RRM2: variants seen among roughly 807,000 people sequenced by gnomAD.
RRM2 encodes ribonucleotide reductase regulatory subunit M2.
A neutral mutation model predicts 45.9 loss-of-function variants in RRM2; 6 were observed. The observed-to-expected ratio is 0.13, with a 90% confidence interval of 0.07 to 0.26. The LOEUF (loss-of-function observed/expected upper bound fraction) is 0.26, where lower values mean the gene tolerates loss of function less well. Among genes scored for constraint, RRM2 ranks in the 10% least tolerant of loss-of-function variants. RRM2 has a pLI of 1.00. For missense variants in RRM2, 343 were observed against 489.5 expected, an observed-to-expected ratio of 0.70 and a Z score of 2.82; for synonymous variants, 177 against 173.0, an observed-to-expected ratio of 1.02 and a Z score of -0.18.
intron 3 of RRM2, among the ~76,000 whole-genome samples, chr2:10,189,977 G>A (rs1664250032): frequency 6.6e-6 from 1 of 151,184 alleles, no homozygotes; most frequent in African/African-American, 2.5e-5. Flanking sequence ...TGATGGTGAT[G>A]ATGGTGGTGA....
rs1357991408 is a variant in RRM2 at position 10,171,731 on chromosome 2, C to G, written n.482+29356C>G. The stretch of plus-strand genomic sequence containing the variant: ...CAGCCGGGCAGAGGCAGGAATGAAT[C>G]CTACTCAGCTGCAGAATAGTCACAG... On this transcript the variant is annotated intron_variant and non_coding_transcript_variant, in intron 3 of 3. Transcript: ENST00000381786. This position sits in a 1 kb window ranked among gnomAD's most constrained non-coding sequence, Gnocchi z 4.1. 6.6e-6 allele frequency among the ~76,000 whole-genome samples: 1 copy of G among 152,214 alleles called. No homozygotes were observed. The highest frequency in any genetic ancestry group is 1.9e-4 in the East Asian group (1 of 5,196).
intron 5 of RRM2, among the ~76,000 whole-genome samples, chr2:10,125,388 C>T (rs7577557): frequency 0.025 from 3,827 of 152,168 alleles, 182 homozygotes; most frequent in African/African-American, 0.088. Context: ...TAGAAATGGG[C>T]TGCTGGAGTA....
chr2:10,150,307 C>G (rs1663279868), intron 3 of RRM2, among the ~76,000 whole-genome samples: 1 of 152,044 alleles, frequency 6.6e-6, no homozygotes, highest in South Asian at 2.1e-4. Context: ...ATTAGTCAGG[C>G]ACGGTGGCAG....
Position 10,123,165 on chromosome 2 carries a change from C to T in RRM2, c.174+108C>T, listed in dbSNP as rs1572485638. On this transcript the variant is annotated intron_variant, in intron 2 of 9. Coordinates refer to ENST00000304567, the MANE Select transcript of RRM2 (RefSeq NM_001034.4). Reference sequence around the variant, plus strand: ...CACACTCCCGCCCCGGCTCCTTTCCCGCCTAGGCGGCCCCTCCCCAGGGCT... The same window carrying T: ...CACACTCCCGCCCCGGCTCCTTTCCTGCCTAGGCGGCCCCTCCCCAGGGCT... The T allele has an allele frequency of 2.5e-5, 34 of 1,371,148 alleles. No individual in the cohort carries two copies. The East Asian group carries it at 8.3e-4, about 34-fold the overall frequency. The allele number at this position is 1,371,148 out of a possible 1,614,324, so 84.9% of individuals were successfully genotyped here. A position where few individuals can be genotyped will look rare whatever the true frequency, so the allele number is the denominator to read the frequency against.
chr2:10,170,165 C>T (rs1464440395), intron 3 of RRM2, among the ~76,000 whole-genome samples: 2 of 152,200 alleles, frequency 1.3e-5, no homozygotes, highest in African/African-American at 4.8e-5. Context: ...CTGCCAGAAC[C>T]CCTTGAGCCG....
intron 3 of RRM2, among the ~76,000 whole-genome samples, chr2:10,161,435 C>T (rs1168588956): frequency 1.3e-5 from 2 of 152,140 alleles, no homozygotes; most frequent in African/African-American, 2.4e-5. Flanking sequence ...TGTGTCATGA[C>T]CTCCACCACC....
rs538507687 is a variant in RRM2 at position 10,185,476 on chromosome 2, G to A, written n.483-24835G>A. ...AAATAGAATAATAGAAAAGCCCAGC[G>A]TGCGACATCAGTGTCAACAGAGGTC... On this transcript the variant is annotated intron_variant and non_coding_transcript_variant, in intron 3 of 3. Transcript: ENST00000381786. This position sits in a 1 kb window ranked among gnomAD's most constrained non-coding sequence, Gnocchi z 4.3. Among the ~76,000 whole-genome samples the A allele has an allele frequency of 3.3e-5, 5 of 152,212 alleles. No individual in the cohort carries two copies. Among genetic ancestry groups the A allele is most frequent in the South Asian group, 4.2e-4 (2 of 4,818 alleles).
intron 5 of RRM2, among the ~76,000 whole-genome samples, chr2:10,126,108 G>A (rs1319645049): frequency 1.4e-5 from 2 of 145,442 alleles, no homozygotes; most frequent in Non-Finnish European, 3.0e-5. Context: ...ACCGTGAGCT[G>A]TGATCATCTC....
chr2:10,174,878 A>AAG (rs1253335571), intron 3 of RRM2, among the ~76,000 whole-genome samples: 1 of 151,848 alleles, frequency 6.6e-6, no homozygotes, highest in Non-Finnish European at 1.5e-5. Flanking sequence ...GTTAAAAAAA[A>AAG]AAAAAGAAAA....
At chr2:10,139,232 G>A (rs558791076), upstream of RRM2, among the ~76,000 whole-genome samples, 130 of 152,256 alleles carry the variant, frequency 8.5e-4, no homozygotes, top group Non-Finnish European at 1.5e-3. Context: ...CCTGTCTCCC[G>A]TCTGCCGCCT....
chr2:10,164,936 T>C (rs1422977841), intron 3 of RRM2, among the ~76,000 whole-genome samples: 1 of 152,238 alleles, frequency 6.6e-6, no homozygotes, highest in Non-Finnish European at 1.5e-5. Flanking sequence ...CTTTACCCTT[T>C]GCTGCTCCTT....
chr2:10,158,760 C>T (rs536498392), intron 3 of RRM2, among the ~76,000 whole-genome samples: 11 of 152,166 alleles, frequency 7.2e-5, no homozygotes, highest in Non-Finnish European at 1.2e-4. Context: ...GCATGGGGGC[C>T]GGGGCCGTGC....
rs1158655317 is a variant in RRM2 at position 10,204,913 on chromosome 2, C to T, written n.483-5398C>T. Among the ~76,000 whole-genome samples, 1 of 152,192 alleles carries T rather than the reference C, an allele frequency of 6.6e-6. No individual in the cohort carries two copies. Among genetic ancestry groups the T allele is most frequent in the Non-Finnish European group, 1.5e-5 (1 of 68,034 alleles). Reference sequence around the variant, plus strand: ...GCCAGGTGCAGACCTTGGGTGGGTCCTATGGGGTCCTACAGGAAGCATAGG... The same window carrying T: ...GCCAGGTGCAGACCTTGGGTGGGTCTTATGGGGTCCTACAGGAAGCATAGG... On this transcript the variant is annotated intron_variant and non_coding_transcript_variant, in intron 3 of 3. Transcript: ENST00000381786. This position sits in a 1 kb window ranked among gnomAD's most constrained non-coding sequence, Gnocchi z 4.0.
intron 3 of RRM2, among the ~76,000 whole-genome samples, chr2:10,179,823 G>T (rs756826241): frequency 6.6e-6 from 1 of 152,192 alleles, no homozygotes; most frequent in Non-Finnish European, 1.5e-5. Flanking sequence ...GGAGCTCAGG[G>T]TCATAGGTTA....
intron 2 of RRM2, 98 bp from the exon 3 acceptor site, chr2:10,123,289 C>T (rs1157052783): frequency 1.4e-6 from 2 of 1,435,292 alleles, no homozygotes; most frequent in African/African-American, 2.8e-5. Flanking sequence ...ACATCGGGCC[C>T]CGTGAAATTG....
chr2:10,202,505 T>C (rs376048526), intron 3 of RRM2, among the ~76,000 whole-genome samples: 11 of 152,356 alleles, frequency 7.2e-5, no homozygotes, highest in African/African-American at 2.4e-4. Flanking sequence ...CTCTCTCTTA[T>C]AGACTAAGGG....
At chr2:10,210,724 C>A in exon 4 of RRM2, 1 of 759,448 alleles carries the variant, frequency 1.3e-6, no homozygotes, top group South Asian at 1.6e-5. Context: ...CAGGGTGGAG[C>A]ACTGTGGACT....
chr2:10,152,269 C>T (rs570647569), intron 3 of RRM2, among the ~76,000 whole-genome samples: 17 of 152,004 alleles, frequency 1.1e-4, no homozygotes, highest in Admixed American at 8.5e-4. Flanking sequence ...TTAAAAATAT[C>T]GAGTTGTGTT....
chr2:10,125,922 A>C (rs973275698), intron 5 of RRM2, among the ~76,000 whole-genome samples: 1 of 152,120 alleles, frequency 6.6e-6, no homozygotes, highest in Admixed American at 6.5e-5. Context: ...GAAGGGGAAC[A>C]GGAAGGTCTG....
Sources: allele counts gnomAD v4.1 joint callset (sites outside exome capture counted in the v4.1 genomes callset), GRCh38; gene constraint gnomAD v4.1.1; non-coding constraint Gnocchi (gnomAD v3.1); transcripts MANE v1.5; gene names NCBI Gene and HGNC (gene_info 2026-07-23, HGNC 2026-07-21).